The following FGGY variants were observed in gnomAD, a reference collection of about 807,000 sequenced individuals.
FGGY encodes the protein FGGY carbohydrate kinase domain containing.
A neutral mutation model predicts 71.3 loss-of-function variants in FGGY; 72 were observed. The observed-to-expected ratio is 1.01, with a 90% confidence interval of 0.84 to 1.23. The LOEUF (loss-of-function observed/expected upper bound fraction) is 1.23. FGGY is among the 50% of genes most tolerant of loss of function. FGGY has a pLI of 0.00. For synonymous variants in FGGY, 251 were observed against 250.3 expected (o/e 1.00, Z -0.02); for missense variants, 668 against 682.3 (o/e 0.98, Z 0.23).
At chr1:59,334,010 A>C (rs76949263) in intron 2 of FGGY, among the ~76,000 whole-genome samples, 2,728 of 152,308 alleles carry the variant, frequency 0.018, 37 homozygotes, top group East Asian at 0.051. Context: ...GCAGTATGGT[A>C]TAATGGAAAG....
chr1:59,486,316 C>T (rs1044815022), intron 6 of FGGY, among the ~76,000 whole-genome samples: 2 of 152,154 alleles, frequency 1.3e-5, no homozygotes, highest in African/African-American at 4.8e-5. Flanking sequence ...GGCTAGCAAC[C>T]AGTGAACATC....
intron 7 of FGGY, among the ~76,000 whole-genome samples, chr1:59,514,798 T>G (rs2094601865): frequency 1.3e-5 from 2 of 152,328 alleles, no homozygotes; most frequent in Non-Finnish European, 2.9e-5. Context: ...TCGCCATGAT[T>G]ATGAGACCTC....
At chr1:59,628,824 C>T (rs2096882685) in intron 10 of FGGY, among the ~76,000 whole-genome samples, 1 of 152,142 alleles carries the variant, frequency 6.6e-6, no homozygotes, top group Admixed American at 6.5e-5. Flanking sequence ...TTGCCTTTGC[C>T]TCAGCTTTGT....
intron 6 of FGGY, among the ~76,000 whole-genome samples, chr1:59,488,283 T>A (rs1401641201): frequency 6.6e-6 from 1 of 152,056 alleles, no homozygotes; most frequent in Non-Finnish European, 1.5e-5. Flanking sequence ...GGAACCTTTT[T>A]ATTTTCTGCA....
rs374063706 is a variant in FGGY, at chr1:59,701,052, T to C, written c.1512+26919T>C. Among the ~76,000 whole-genome samples, 12 of 152,318 alleles carry C rather than the reference T, an allele frequency of 7.9e-5. No individual in the cohort carries two copies. The East Asian group carries it at 2.3e-3, about 29-fold the overall frequency. On this transcript the variant is annotated intron_variant, in intron 14 of 15. Transcript: ENST00000303721. ...AACACTTGTGTTTTCTGTCTCAGACTCTAGTTTCACTGAATTCAAAGAAAT... is the reference window on the plus strand; with the variant it reads ...AACACTTGTGTTTTCTGTCTCAGACCCTAGTTTCACTGAATTCAAAGAAAT...
intron 8 of FGGY, among the ~76,000 whole-genome samples, chr1:59,560,036 G>A (rs868131580): frequency 6.6e-6 from 1 of 152,134 alleles, no homozygotes; most frequent in Non-Finnish European, 1.5e-5. Context: ...TATGGAAAAC[G>A]GGGGAAGAGT....
chr1:59,571,084 G>A (rs2095977551), intron 8 of FGGY, among the ~76,000 whole-genome samples: 1 of 152,190 alleles, frequency 6.6e-6, no homozygotes, highest in Non-Finnish European at 1.5e-5. Flanking sequence ...GGGTCCAGGT[G>A]CAGAGTAGTG....
At chr1:59,608,129 C>A (rs1276683962) in intron 9 of FGGY, among the ~76,000 whole-genome samples, 1 of 152,202 alleles carries the variant, frequency 6.6e-6, no homozygotes, top group African/African-American at 2.4e-5. Context: ...CCCTTCTTCT[C>A]ACCTGATCTT....
chr1:59,664,163 C>T (rs763948772), intron 12 of FGGY, among the ~76,000 whole-genome samples: 5 of 152,178 alleles, frequency 3.3e-5, no homozygotes, highest in Admixed American at 6.5e-5. Flanking sequence ...GATTTGCATT[C>T]GGTTCTGTAC....
intron 7 of FGGY, among the ~76,000 whole-genome samples, chr1:59,538,268 G>A (rs898064558): frequency 3.3e-5 from 5 of 151,944 alleles, no homozygotes; most frequent in African/African-American, 7.2e-5. Flanking sequence ...GGCCATCAGA[G>A]AAATGCAAAT....
intron 8 of FGGY, among the ~76,000 whole-genome samples, chr1:59,573,844 C>A (rs979122278): frequency 8.5e-5 from 13 of 152,144 alleles, no homozygotes; most frequent in African/African-American, 2.9e-4. Context: ...TTACATTTTT[C>A]TTCTGGCCCT....
At chr1:59,297,305 C>A (rs1333120630) in intron 1 of FGGY, among the ~76,000 whole-genome samples, 155 bp downstream of exon 1, 1 of 152,242 alleles carries the variant, frequency 6.6e-6, no homozygotes, top group Non-Finnish European at 1.5e-5. Context: ...TCCCCTTACC[C>A]TTGTAGGACA....
At chr1:59,335,541 T>A (rs943014069) in intron 2 of FGGY, among the ~76,000 whole-genome samples, 2 of 152,212 alleles carry the variant, frequency 1.3e-5, no homozygotes, top group Admixed American at 1.3e-4. Flanking sequence ...TGTTGATGTA[T>A]GTTTTTATTT....
At chr1:59,537,970 T>A (rs928700250) in intron 7 of FGGY, among the ~76,000 whole-genome samples, 1 of 152,234 alleles carries the variant, frequency 6.6e-6, no homozygotes, top group East Asian at 1.9e-4. Context: ...CCAAAAGCAA[T>A]GGCAACAAAA....
chr1:59,393,330 G>GC (rs2060921853), intron 5 of FGGY: 1 of 152,194 alleles, frequency 6.6e-6, no homozygotes, highest in South Asian at 2.1e-4. Flanking sequence ...CTCTGCAGTG[G>GC]ATGTGTTCCT....
At chr1:59,511,834 C>T (rs1405784055) in intron 6 of FGGY, among the ~76,000 whole-genome samples, 1 of 152,136 alleles carries the variant, frequency 6.6e-6, no homozygotes, top group African/African-American at 2.4e-5. Flanking sequence ...CCTTTTTCCT[C>T]TTATCCTCTG....
chr1:59,406,722 G>T (rs758541286), intron 5 of FGGY, among the ~76,000 whole-genome samples: 1 of 152,124 alleles, frequency 6.6e-6, no homozygotes, highest in Non-Finnish European at 1.5e-5. Context: ...TGTTTTTGGA[G>T]ACTACCAAAA....
chr1:59,353,596 C>T (rs1187223451), intron 4 of FGGY, among the ~76,000 whole-genome samples: 1 of 152,208 alleles, frequency 6.6e-6, no homozygotes, highest in Non-Finnish European at 1.5e-5. Context: ...TACTTGAGTA[C>T]CTTCTACTTG....
At chr1:59,513,986 G>A (rs78621375) in intron 7 of FGGY, among the ~76,000 whole-genome samples, 3 of 152,342 alleles carry the variant, frequency 2.0e-5, no homozygotes, top group South Asian at 4.1e-4. Flanking sequence ...ATATATGTAG[G>A]TTGGTTGAAT....
Sources: allele counts gnomAD v4.1 joint callset (sites outside exome capture counted in the v4.1 genomes callset), GRCh38; gene constraint gnomAD v4.1.1; transcripts MANE v1.5; gene names NCBI Gene and HGNC (gene_info 2026-07-23, HGNC 2026-07-21).